The following TDRD3 variants were observed in gnomAD, a reference collection of about 807,000 sequenced individuals.
TDRD3 encodes the protein tudor domain containing 3.
TDRD3 carries 45 observed loss-of-function variants against 86.7 expected under a neutral mutation model. The observed-to-expected ratio is 0.52, with a 90% confidence interval of 0.41 to 0.67. The LOEUF (loss-of-function observed/expected upper bound fraction) is 0.67, where lower values mean the gene tolerates loss of function less well. Ranked by LOEUF, TDRD3 falls within the 30% of genes least tolerant of loss-of-function variation. TDRD3 has a pLI of 0.00. For missense variants in TDRD3, 814 were observed against 889.0 expected (o/e 0.92, Z 1.07); for synonymous variants, 298 against 301.7 (o/e 0.99, Z 0.13).
At chr13:60,406,831 C>G (rs908121311) in intron 1 of TDRD3, among the ~76,000 whole-genome samples, 1 of 152,116 alleles carries the variant, frequency 6.6e-6, no homozygotes, top group African/African-American at 2.4e-5. Flanking sequence ...AAAAATTCCC[C>G]ACAATCTTTC....
chr13:60,522,035 G>A (rs1015954216), intron 10 of TDRD3, among the ~76,000 whole-genome samples: 2 of 152,224 alleles, frequency 1.3e-5, no homozygotes, highest in Admixed American at 1.3e-4. Flanking sequence ...AGGATCAAGA[G>A]TAATTTTTTT....
At chr13:60,551,449 T>G (rs1958050404) in intron 12 of TDRD3, among the ~76,000 whole-genome samples, 1 of 152,208 alleles carries the variant, frequency 6.6e-6, no homozygotes, top group Admixed American at 6.5e-5. Flanking sequence ...CAGTCTCTTT[T>G]ATTGTTCACC....
Position 60,509,905 on chromosome 13 carries a change from GTCC to G in TDRD3, c.1007_1009del (p.Pro336del), listed in dbSNP as rs752281409. ...AGCAATAAACAGAAACCTGTTATGG[GTCC>G]TCCTCTGAGAGGTATAATTTATTAA... On this transcript the variant is annotated inframe_deletion, in exon 9 of 14. Transcript: ENST00000377881. The G allele has an allele frequency of 6.2e-7, 1 of 1,613,496 alleles. No individual in the cohort carries two copies. The highest frequency in any genetic ancestry group is 1.7e-5 in the Admixed American group (1 of 59,998).
upstream of TDRD3, among the ~76,000 whole-genome samples, chr13:60,396,108 G>C (rs1179712483): frequency 6.6e-6 from 1 of 152,150 alleles, no homozygotes; most frequent in Non-Finnish European, 1.5e-5. Context: ...AATCCCAAGA[G>C]CGCCTCTGCC....
rs532319352 is a variant in TDRD3 at position 60,477,761 on chromosome 13, G to A, written c.496-6014G>A. Among the ~76,000 whole-genome samples the A allele has an allele frequency of 1.1e-4, 16 of 152,236 alleles. 1 individual carries two copies. In the South Asian group the frequency reaches 3.3e-3, roughly 32 times the overall value. ...TGAATTAACTTTTTGATGTGCTGCT[G>A]GATTAGTTTGCTAGTATTTTATTGA... On this transcript the variant is annotated intron_variant, in intron 5 of 13. Transcript: ENST00000377881.
intron 7 of TDRD3, 56 bp downstream of exon 7, chr13:60,486,004 T>A: frequency 6.7e-7 from 1 of 1,485,988 alleles, no homozygotes; most frequent in East Asian, 2.5e-5. Flanking sequence ...CTATTTAGAT[T>A]ATTTGTGATC....
intron 1 of TDRD3, among the ~76,000 whole-genome samples, chr13:60,432,834 T>A (rs778689249): frequency 6.6e-6 from 1 of 152,168 alleles, no homozygotes; most frequent in African/African-American, 2.4e-5. Context: ...ATTTTCTTTG[T>A]GGCTAAGCAA....
intron 5 of TDRD3, among the ~76,000 whole-genome samples, chr13:60,470,555 C>G (rs754113074): frequency 6.8e-6 from 1 of 146,066 alleles, no homozygotes; most frequent in Non-Finnish European, 1.5e-5. Context: ...AGTAGCCATT[C>G]TAACATGGGT....
intron 1 of TDRD3, among the ~76,000 whole-genome samples, chr13:60,402,837 C>T (rs935189829): frequency 5.3e-5 from 8 of 151,872 alleles, no homozygotes; most frequent in African/African-American, 1.5e-4. Context: ...TACAGGCATG[C>T]GCCACCACGC....
rs907930382 is a variant in TDRD3, at chr13:60,466,983, T to G, written c.354-255T>G. On this transcript the variant is annotated intron_variant, in intron 4 of 13. Coordinates refer to ENST00000377881, the MANE Select transcript of TDRD3 (RefSeq NM_001146070.2). ...CTTCAAATGTGTGTGTGTTTTTTTG[T>G]TTTTTTGTTTTAAGTTTCAGGGTAC... is the stretch of plus-strand genomic sequence containing the variant. 8.6e-5 allele frequency among the ~76,000 whole-genome samples: 13 copies of G among 151,072 alleles called. No individual in the cohort carries two copies. In the East Asian group the frequency reaches 2.5e-3, roughly 29 times the overall value.
chr13:60,436,084 C>A (rs1409764404), intron 1 of TDRD3, among the ~76,000 whole-genome samples: 8 of 148,726 alleles, frequency 5.4e-5, no homozygotes, highest in African/African-American at 2.4e-5. Context: ...CTATTTCCAT[C>A]CTTTGCCCAC....
intron 12 of TDRD3, among the ~76,000 whole-genome samples, chr13:60,546,322 A>G (rs1957939914): frequency 6.6e-6 from 1 of 152,148 alleles, no homozygotes; most frequent in Admixed American, 6.6e-5. Context: ...GGGAAATAAA[A>G]TTTCTCATTA....
At chr13:60,444,282 G>A (rs1955348182) in intron 2 of TDRD3, among the ~76,000 whole-genome samples, 1 of 151,862 alleles carries the variant, frequency 6.6e-6, no homozygotes, top group Admixed American at 6.6e-5. Flanking sequence ...TTTATGTAAT[G>A]TCAAGGTTAT....
chr13:60,483,405 T>C (rs1039264060), intron 5 of TDRD3, among the ~76,000 whole-genome samples: 2 of 152,150 alleles, frequency 1.3e-5, no homozygotes, highest in African/African-American at 4.8e-5. Flanking sequence ...TTTTTGAAGA[T>C]AATTTCCAGG....
intron 10 of TDRD3, among the ~76,000 whole-genome samples, chr13:60,525,266 C>T (rs1195636318): frequency 6.8e-6 from 1 of 147,100 alleles, no homozygotes; most frequent in African/African-American, 2.5e-5. Context: ...TTCCACCTCC[C>T]GGGTTCAAGC....
At chr13:60,471,972 C>T (rs549485583) in intron 5 of TDRD3, among the ~76,000 whole-genome samples, 10 of 148,460 alleles carry the variant, frequency 6.7e-5, no homozygotes, top group Non-Finnish European at 1.5e-4. Context: ...CACCTTCAGT[C>T]CTTCACTATT....
At chr13:60,492,867 A>G (rs887276658) in intron 7 of TDRD3, among the ~76,000 whole-genome samples, 1 of 150,208 alleles carries the variant, frequency 6.7e-6, no homozygotes, top group African/African-American at 2.4e-5. Flanking sequence ...AAAAGTTTTC[A>G]TGTATACTTC....
At chr13:60,552,666 A>G (rs1261087406) in intron 12 of TDRD3, among the ~76,000 whole-genome samples, 2 of 152,190 alleles carry the variant, frequency 1.3e-5, no homozygotes, top group Admixed American at 1.3e-4. Flanking sequence ...GAGGTTCTCC[A>G]TGAGGGCTCT....
chr13:60,501,341 C>T (rs1003754466), intron 8 of TDRD3, among the ~76,000 whole-genome samples: 2 of 152,202 alleles, frequency 1.3e-5, no homozygotes, highest in South Asian at 2.1e-4. Flanking sequence ...TGTGTCCATG[C>T]ATTGTTCTGT....
Sources: allele counts gnomAD v4.1 joint callset (sites outside exome capture counted in the v4.1 genomes callset), GRCh38; gene constraint gnomAD v4.1.1; transcripts MANE v1.5; gene names NCBI Gene and HGNC (gene_info 2026-07-23, HGNC 2026-07-21).